Variants in TASOR observed in about 807,000 individuals in gnomAD.
TASOR encodes protein TASOR.
A neutral mutation model predicts 178.6 loss-of-function variants in TASOR; 53 were observed. That is an observed-to-expected ratio of 0.30 (90% CI 0.24 to 0.37). The LOEUF is 0.37. TASOR is among the 10% of genes least tolerant of loss of function. The pLI is 1.00. For synonymous variants in TASOR, 713 were observed against 696.2 expected (o/e 1.02, Z -0.38); for missense variants, 1,815 against 1,971.4 (o/e 0.92, Z 1.50).
At chr3:56,669,958 C>T in intron 4 of TASOR, 115 bp downstream of exon 4, 1 of 921,460 alleles carries the variant, frequency 1.1e-6, no homozygotes, top group African/African-American at 1.7e-5. Flanking sequence ...TAGTCTTTTT[C>T]TGGGAACATA....
At chr3:56,634,017 T>C in intron 17 of TASOR, 51 bp from the exon 18 acceptor site, 3 of 1,405,054 alleles carry the variant, frequency 2.1e-6, no homozygotes, top group Non-Finnish European at 2.8e-6. Flanking sequence ...AGATAAGATA[T>C]GAAAACACAA....
Position 56,673,885 on chromosome 3 carries a change from G to GA in TASOR, c.332-161dup, listed in dbSNP as rs11348731. 8.3e-5 allele frequency among the ~76,000 whole-genome samples: 12 copies of GA among 144,822 alleles called. No homozygotes were observed. The East Asian group carries it at 2.0e-3, about 24-fold the overall frequency. ...CAAAAGAGATACTTATTAACTCATT[G>GA]AAAAAAAATGTAAAACTAGTTGCCT... is the stretch of plus-strand genomic sequence containing the variant. On this transcript the variant is annotated intron_variant, in intron 1 of 23. Coordinates refer to ENST00000683822, the MANE Select transcript of TASOR (RefSeq NM_001365635.2).
chr3:56,639,402 A>T (rs533746012), intron 16 of TASOR, among the ~76,000 whole-genome samples: 31 of 105,380 alleles, frequency 2.9e-4, no homozygotes, highest in South Asian at 8.1e-4. Context: ...GAGAAATTAG[A>T]ATGCTACCAA....
chr3:56,624,843 T>G lies in TASOR; in HGVS notation c.4303A>C (p.Ile1435Leu), dbSNP rs2291498. The G allele has an allele frequency of 1.6e-5, 26 of 1,613,814 alleles. 1 individual carries two copies. The highest frequency in any genetic ancestry group is 4.0e-5 in the African/African-American group (3 of 74,834). Residue 1435 changes from isoleucine to leucine, a missense_variant, in exon 22 of 24, where the codon ATA (isoleucine) becomes CTA (leucine). Ile to Leu is a conservative substitution (Grantham distance 5). Coordinates refer to ENST00000683822, the MANE Select transcript of TASOR (RefSeq NM_001365635.2). ...CTCTCTTTACCTGTTAAAAAGACTATGTGTCGTTGCTGTATGTTCTGAGCC... is the reference window on the plus strand; with the variant it reads ...CTCTCTTTACCTGTTAAAAAGACTAGGTGTCGTTGCTGTATGTTCTGAGCC... The part of the protein sequence containing the change: ...LQAQNIQQRH[I>L]VFLTEKNIKM...
chr3:56,637,884 C>CTAGG (rs1277380948), intron 17 of TASOR, among the ~76,000 whole-genome samples: 1 of 152,104 alleles, frequency 6.6e-6, no homozygotes, highest in Non-Finnish European at 1.5e-5. Flanking sequence ...AGATTATCTC[C>CTAGG]TAGGTACCCA....
intron 11 of TASOR, 66 bp from the exon 12 acceptor site, chr3:56,649,123 C>A (rs1331903075): frequency 1.7e-6 from 2 of 1,187,664 alleles, no homozygotes; most frequent in Non-Finnish European, 2.4e-6. Context: ...GGCAGACACA[C>A]AGCATTTTCT....
intron 18 of TASOR, among the ~76,000 whole-genome samples, chr3:56,631,292 G>A (rs111547139): frequency 2.2e-4 from 33 of 152,216 alleles, no homozygotes; most frequent in African/African-American, 7.2e-4. Flanking sequence ...ACTTACAGAA[G>A]GCTTAGGACA....
chr3:56,662,980 A>T (rs541432531), intron 8 of TASOR, among the ~76,000 whole-genome samples: 1 of 152,236 alleles, frequency 6.6e-6, no homozygotes, highest in South Asian at 2.1e-4. Flanking sequence ...GGAGTTCGAG[A>T]CCAGCCTGGC....
At chr3:56,664,503 G>C (rs1206559342) in intron 7 of TASOR, among the ~76,000 whole-genome samples, 1 of 152,156 alleles carries the variant, frequency 6.6e-6, no homozygotes, top group Non-Finnish European at 1.5e-5. Context: ...GCTATAGATG[G>C]TTTCCAAGGA....
chr3:56,626,680 T>C (rs1323867434), intron 21 of TASOR, among the ~76,000 whole-genome samples: 1 of 151,822 alleles, frequency 6.6e-6, no homozygotes, highest in Non-Finnish European at 1.5e-5. Flanking sequence ...GAGGTGGAGG[T>C]TGCAGTGAGG....
In TASOR at chr3:56,628,481, TAA is replaced by T; in HGVS notation, c.3870+9_3870+10del. ...TAAAACCAAAGTAGTGAATTTGACT[TAA>T]TAGTCTACCTTGTGAATGAAACCTG... On this transcript the variant is annotated intron_variant, in intron 19 of 23. Coordinates refer to ENST00000683822, the MANE Select transcript of TASOR (RefSeq NM_001365635.2). The T allele has an allele frequency of 6.3e-7, 1 of 1,595,664 alleles. No individual in the cohort carries two copies. Among genetic ancestry groups the T allele is most frequent in the South Asian group, 1.2e-5 (1 of 86,738 alleles).
intron 11 of TASOR, among the ~76,000 whole-genome samples, chr3:56,659,980 T>C (rs2077557326): frequency 6.6e-6 from 1 of 151,912 alleles, no homozygotes; most frequent in African/African-American, 2.4e-5. Flanking sequence ...GTTCAAGCGA[T>C]TCTCCTGCCT....
At chr3:56,639,746 A>AGT (rs1488872322) in intron 16 of TASOR, among the ~76,000 whole-genome samples, 26 of 149,882 alleles carry the variant, frequency 1.7e-4, no homozygotes, top group Non-Finnish European at 3.0e-5. Flanking sequence ...CCATAGAGAC[A>AGT]GTGTGTCTTA....
intron 14 of TASOR, among the ~76,000 whole-genome samples, chr3:56,642,106 G>A (rs1055214214): frequency 6.6e-6 from 1 of 152,178 alleles, no homozygotes; most frequent in Non-Finnish European, 1.5e-5. Flanking sequence ...TTTGCCAATT[G>A]TTAGGATTAT....
chr3:56,682,707 A>C lies in TASOR; in HGVS notation c.300T>G (p.Phe100Leu). 1 of 1,484,810 alleles carries C rather than the reference A, an allele frequency of 6.7e-7. No individual in the cohort carries two copies. Among genetic ancestry groups the C allele is most frequent in the South Asian group, 1.3e-5 (1 of 76,624 alleles). The allele number at this position is 1,484,810 out of a possible 1,614,324, so 92.0% of individuals were successfully genotyped here. A position where few individuals can be genotyped will look rare whatever the true frequency, so the allele number is the denominator to read the frequency against. Residue 100 changes from phenylalanine to leucine, a missense_variant, in exon 1 of 24, where the codon TTT becomes TTG. Phe to Leu is a conservative substitution (Grantham distance 22). This residue lies in a region of TASOR where 244 missense variants were observed against 202.7 expected (regional missense o/e 1.20). Coordinates refer to ENST00000683822, the MANE Select transcript of TASOR (RefSeq NM_001365635.2). Reference protein sequence around the residue: ...EEPERPVRRSFQIPRKSREKK... With the variant: ...EEPERPVRRSLQIPRKSREKK... ...TTTCTCTGCTCTTCCTGGGGATCTGAAAACTCCTCCTAACAGGCCTTTCGG... is the reference window on the plus strand; with the variant it reads ...TTTCTCTGCTCTTCCTGGGGATCTGCAAACTCCTCCTAACAGGCCTTTCGG...
At position 56,636,625 on chromosome 3, in the gene TASOR, T is replaced by A. The variant is rs370144075; in HGVS notation, c.2824+2081A>T. Among the ~76,000 whole-genome samples the A allele has an allele frequency of 5.0e-4, 76 of 151,966 alleles. 3 individuals are homozygous for A. The South Asian group carries it at 0.014, about 28-fold the overall frequency. On this transcript the variant is annotated intron_variant, in intron 17 of 23. Transcript: ENST00000683822. ...ACCATGTTGGCCAGGATGGTCTCGA[T>A]GTCTTGACCTCCTGATCCGCACACC...
chr3:56,636,392 G>GT (rs2077017298), intron 17 of TASOR, among the ~76,000 whole-genome samples: 1 of 151,084 alleles, frequency 6.6e-6, no homozygotes, highest in Non-Finnish European at 1.5e-5. Context: ...TTTGTTGTTG[G>GT]TGGTGGTGGT....
At chr3:56,639,084 G>A (rs2077070856) in intron 16 of TASOR, among the ~76,000 whole-genome samples, 1 of 152,066 alleles carries the variant, frequency 6.6e-6, no homozygotes, top group Non-Finnish European at 1.5e-5. Flanking sequence ...ATCACCTACA[G>A]GCCTCCTACC....
chr3:56,639,884 A>G, intron 16 of TASOR, 102 bp downstream of exon 16: 1 of 966,796 alleles, frequency 1.0e-6, no homozygotes, highest in Non-Finnish European at 1.5e-6. Context: ...AAGATGAAGC[A>G]CCTAGTGACC....
Sources: gnomAD v4.1 joint callset for allele counts (sites outside exome capture counted in the v4.1 genomes callset) on GRCh38, gnomAD v4.1.1 for gene constraint, gnomAD v4.1.1 regional missense constraint, MANE v1.5 for transcripts, NCBI Gene and HGNC (gene_info 2026-07-23, HGNC 2026-07-21) for gene names.